UBL3: variants seen among roughly 807,000 people sequenced by gnomAD.
UBL3 encodes the protein ubiquitin-like protein 3.
UBL3 carries 6 observed loss-of-function variants against 18.4 expected under a neutral mutation model. The ratio of observed to expected loss-of-function variants is 0.33; its 90% confidence interval spans 0.18 to 0.64. UBL3 has a LOEUF of 0.64. UBL3 is among the 30% of genes least tolerant of loss of function. The pLI, the probability that UBL3 is intolerant of heterozygous loss-of-function variation, is 0.76. For missense variants in UBL3, 109 were observed against 142.9 expected (o/e 0.76, Z 1.21); for synonymous variants, 49 against 46.6 (o/e 1.05, Z -0.21).
At chr13:29,806,117 C>A (rs996019963) in intron 1 of UBL3, among the ~76,000 whole-genome samples, 9 of 152,186 alleles carry the variant, frequency 5.9e-5, no homozygotes, top group Non-Finnish European at 1.5e-5. Flanking sequence ...GCAGAGGTTG[C>A]AGTGAGTCAA....
chr13:29,815,958 A>G (rs1878267377), intron 1 of UBL3, among the ~76,000 whole-genome samples: 1 of 152,164 alleles, frequency 6.6e-6, no homozygotes, highest in Non-Finnish European at 1.5e-5. Flanking sequence ...TTCTGCATGG[A>G]GTCATCATAA....
chr13:29,773,117 G>T (rs1876887344), intron 2 of UBL3, among the ~76,000 whole-genome samples: 1 of 152,080 alleles, frequency 6.6e-6, no homozygotes, highest in Non-Finnish European at 1.5e-5. Flanking sequence ...AGAGATAATG[G>T]TTAACACAAA....
intron 1 of UBL3, among the ~76,000 whole-genome samples, chr13:29,815,436 A>G (rs566725247): frequency 6.6e-6 from 1 of 152,336 alleles, no homozygotes; most frequent in East Asian, 1.9e-4. Flanking sequence ...AAAGATATTA[A>G]AAGTATTTTA....
intron 1 of UBL3, among the ~76,000 whole-genome samples, chr13:29,785,356 T>TTA (rs1555232573): frequency 6.6e-6 from 1 of 152,054 alleles, no homozygotes; most frequent in South Asian, 2.1e-4. Context: ...AGATTTTTTT[T>TTA]AAGTGCTCAA....
intron 1 of UBL3, among the ~76,000 whole-genome samples, chr13:29,839,162 T>A (rs1173213686): frequency 6.6e-6 from 1 of 152,160 alleles, no homozygotes; most frequent in Non-Finnish European, 1.5e-5. Context: ...AAGTCAAGTG[T>A]GATACAATAG....
intron 1 of UBL3, among the ~76,000 whole-genome samples, chr13:29,816,849 G>A (rs556436615): frequency 6.6e-6 from 1 of 150,410 alleles, no homozygotes; most frequent in East Asian, 2.0e-4. Flanking sequence ...AAGAATCTGT[G>A]TAATATTTTT....
chr13:29,812,551 T>G (rs12867537), intron 1 of UBL3, among the ~76,000 whole-genome samples: 15,483 of 152,042 alleles, frequency 0.1, 967 homozygotes, highest in African/African-American at 0.17. Context: ...TTTTTCTAAC[T>G]CTAGATACTC....
chr13:29,778,361 A>T (rs924119931), intron 1 of UBL3, among the ~76,000 whole-genome samples: 3 of 152,204 alleles, frequency 2.0e-5, no homozygotes, highest in East Asian at 1.9e-4. Context: ...TATTATTTTT[A>T]AAAAACACCA....
At chr13:29,797,876 T>G (rs1445128644) in intron 1 of UBL3, among the ~76,000 whole-genome samples, 1 of 152,144 alleles carries the variant, frequency 6.6e-6, no homozygotes, top group Non-Finnish European at 1.5e-5. Context: ...TACTTAAATA[T>G]CATGTCAACT....
intron 2 of UBL3, among the ~76,000 whole-genome samples, chr13:29,773,339 T>G (rs978466073): frequency 8.5e-5 from 13 of 152,140 alleles, no homozygotes; most frequent in Non-Finnish European, 4.4e-5. Context: ...TCTTCCCTCT[T>G]CTGTCTCCTG....
intron 2 of UBL3, among the ~76,000 whole-genome samples, chr13:29,774,291 TAA>T (rs919133876): frequency 6.6e-6 from 1 of 152,256 alleles, no homozygotes; most frequent in African/African-American, 2.4e-5. Context: ...TCTTTTACCT[TAA>T]GTTACAATAC....
Position 29,764,843 on chromosome 13 carries a change from C to A in UBL3, c.*2412G>T, listed in dbSNP as rs1171976779. On this transcript the variant is annotated 3_prime_UTR_variant, in exon 5 of 5. Transcript: ENST00000380680. ...TTGGCAGAGGGATCTTCAAAAGTAGCCTTGGATATGAGGAATCGTATTTTA... is the reference window on the plus strand; with the variant it reads ...TTGGCAGAGGGATCTTCAAAAGTAGACTTGGATATGAGGAATCGTATTTTA... 6.6e-6 allele frequency: 1 copy of A among 152,070 alleles called. No homozygotes were observed. Among genetic ancestry groups the A allele is most frequent in the African/African-American group, 2.4e-5 (1 of 41,396 alleles). The allele number at this position is 152,070 out of a possible 1,614,324, so 9.4% of individuals were successfully genotyped here. A position where few individuals can be genotyped will look rare whatever the true frequency, so the allele number is the denominator to read the frequency against.
intron 1 of UBL3, among the ~76,000 whole-genome samples, chr13:29,836,785 C>A (rs1878972155): frequency 1.3e-5 from 2 of 152,196 alleles, no homozygotes; most frequent in South Asian, 4.1e-4. Context: ...GCCCAATATT[C>A]TGTTCAACTT....
chr13:29,811,249 T>C (rs1422188712), intron 1 of UBL3, among the ~76,000 whole-genome samples: 1 of 152,158 alleles, frequency 6.6e-6, no homozygotes, highest in East Asian at 1.9e-4. Flanking sequence ...TCCAAATTTC[T>C]TGTTGCAGAA....
At chr13:29,838,902 A>G (rs1273676097) in intron 1 of UBL3, among the ~76,000 whole-genome samples, 1 of 152,184 alleles carries the variant, frequency 6.6e-6, no homozygotes, top group Non-Finnish European at 1.5e-5. Context: ...ATAAGGACGA[A>G]GAGAGATTTA....
chr13:29,804,600 A>C (rs1176477164), intron 1 of UBL3, among the ~76,000 whole-genome samples: 2 of 152,090 alleles, frequency 1.3e-5, no homozygotes, highest in Non-Finnish European at 2.9e-5. Flanking sequence ...CCAAATAAGA[A>C]ATGACAAAGG....
intron 1 of UBL3, among the ~76,000 whole-genome samples, chr13:29,808,823 T>C (rs1003229165): frequency 4.6e-5 from 7 of 152,148 alleles, no homozygotes; most frequent in Non-Finnish European, 8.8e-5. Context: ...TTATTTTCTA[T>C]GTTCCCTTCT....
At chr13:29,795,755 G>GAAAAA (rs57782695) in intron 1 of UBL3, among the ~76,000 whole-genome samples, 4 of 66,186 alleles carry the variant, frequency 6.0e-5, no homozygotes, top group Admixed American at 2.0e-4. Context: ...CCTCATCTCA[G>GAAAAA]AAAAAAAAAA....
chr13:29,836,367 T>C (rs149358696), intron 1 of UBL3, among the ~76,000 whole-genome samples: 11 of 140,082 alleles, frequency 7.9e-5, no homozygotes, highest in Non-Finnish European at 3.1e-5. Context: ...AACAAATAAA[T>C]AAATAAATAA....
Sources: gnomAD v4.1 joint callset for allele counts (sites outside exome capture counted in the v4.1 genomes callset) on GRCh38, gnomAD v4.1.1 for gene constraint, MANE v1.5 for transcripts, NCBI Gene and HGNC (gene_info 2026-07-23, HGNC 2026-07-21) for gene names.